SLC35B3: variants seen among roughly 807,000 people sequenced by gnomAD.
The protein encoded by SLC35B3 is adenosine 3'-phospho 5'-phosphosulfate transporter 2.
In SLC35B3, 35 loss-of-function variants were observed where a neutral mutation model predicts 44.1. That is an observed-to-expected ratio of 0.79 (90% confidence interval 0.61 to 1.05). The LOEUF is 1.05. SLC35B3 is among the 50% of genes least tolerant of loss of function. The pLI is 0.00. For synonymous variants in SLC35B3, 146 were observed against 167.3 expected, an observed-to-expected ratio of 0.87 and a Z score of 0.98; for missense variants, 414 against 476.4, an observed-to-expected ratio of 0.87 and a Z score of 1.22.
chr6:8,428,100 C>T lies in SLC35B3; in HGVS notation c.298-42G>A, dbSNP rs200035833. On this transcript the variant is annotated intron_variant, in intron 3 of 10. Coordinates refer to ENST00000644923, the MANE Select transcript of SLC35B3 (RefSeq NM_001370476.2). ...GAACACTGTTAAGTCCAAGGCAGCA[C>T]ACTAATTTCCTAAAAATAAATTCTT... 2.0e-5 allele frequency: 27 copies of T among 1,380,066 alleles called. No homozygotes were observed. In the African/African-American group the frequency reaches 3.4e-4, roughly 17 times the overall value. 85.5% of individuals were successfully genotyped at this position (1,380,066 alleles called of 1,614,324 possible).
At position 8,430,037 on chromosome 6, in the gene SLC35B3, T is replaced by C. The variant is rs1383314040; in HGVS notation, c.124A>G (p.Lys42Glu). The change falls in exon 3 of 11, where the codon AAA (lysine) becomes GAA (glutamate). Residue 42 changes from lysine to glutamate, a missense_variant. Coordinates refer to ENST00000644923, the MANE Select transcript of SLC35B3 (RefSeq NM_001370476.2). ...GATGGCACAGTGATAGAAATATATT[T>C]CCTGGAATTGTTGAACTTGAGATCC... 2.5e-6 allele frequency: 4 copies of C among 1,614,056 alleles called. No homozygotes were observed. The South Asian group carries it at 4.4e-5, about 18-fold the overall frequency.
Position 8,413,635 on chromosome 6 carries a change from C to T in SLC35B3, c.1120G>A (p.Asp374Asn), listed in dbSNP as rs569798441. Residue 374 changes from aspartate to asparagine, a missense_variant, in exon 11 of 11, where the codon GAT becomes AAT. Physicochemically the swap from Asp to Asn is conservative, Grantham distance 23 (BLOSUM62 1). Transcript: ENST00000644923. ...TACAGTGATGGTAGTCTTATTTTAT[C>T]CATATTTTTGCTGTAAACATTAAGA... 8.8e-6 allele frequency: 14 copies of T among 1,596,660 alleles called. No homozygotes were observed. The highest frequency in any genetic ancestry group is 2.0e-4 in the Middle Eastern group (1 of 4,888).
chr6:8,422,602 T>C lies in SLC35B3; in HGVS notation c.442A>G (p.Ile148Val). ...GTACCCACAGTTAGAAAAGCTATTA[T>C]CATGTAGGTTTTTCCTGGTATTCTG... is the stretch of plus-strand genomic sequence containing the variant. The change falls in exon 5 of 11, where the codon ATA (isoleucine) becomes GTA (valine). Residue 148 changes from isoleucine to valine, a missense_variant. Coordinates refer to ENST00000644923, the MANE Select transcript of SLC35B3 (RefSeq NM_001370476.2). The C allele has an allele frequency of 6.2e-7, 1 of 1,607,998 alleles. No individual in the cohort carries two copies. The highest frequency in any genetic ancestry group is 8.5e-7 in the Non-Finnish European group (1 of 1,178,396).
In SLC35B3 at chr6:8,413,210, G is replaced by C; in HGVS notation, c.*339C>G. 5.2e-6 allele frequency: 1 copy of C among 192,836 alleles called. No homozygotes were observed. Among genetic ancestry groups the C allele is most frequent in the Non-Finnish European group, 1.1e-5 (1 of 94,888 alleles). The allele number at this position is 192,836 out of a possible 1,614,324, so 11.9% of individuals were successfully genotyped here. A position where few individuals can be genotyped will look rare whatever the true frequency, so the allele number is the denominator to read the frequency against. On this transcript the variant is annotated 3_prime_UTR_variant, in exon 11 of 11. Coordinates refer to ENST00000644923, the MANE Select transcript of SLC35B3 (RefSeq NM_001370476.2). ...TGAATATAAAACAATCTGCTATTAC[G>C]TATCGATTTCTTTGATAGGATATAA...
At chr6:8,423,429 C>A (rs1248630481) in intron 4 of SLC35B3, among the ~76,000 whole-genome samples, 1 of 151,840 alleles carries the variant, frequency 6.6e-6, no homozygotes, top group Non-Finnish European at 1.5e-5. Flanking sequence ...CTCATGATTT[C>A]AAGTCTTTTA....
At position 8,434,420 on chromosome 6, in the gene SLC35B3, T is replaced by G. The variant is rs58929031; in HGVS notation, c.-33A>C. The stretch of plus-strand genomic sequence containing the variant: ...TGCCTTGATTAACTGCGCTCCGGAA[T>G]CAATCATGGCCTATGGTGTACGATT... On this transcript the variant is annotated 5_prime_UTR_variant, in exon 2 of 11. Transcript: ENST00000644923. The surrounding 1 kb of genome is among the most constrained non-coding windows in gnomAD (Gnocchi z 6.3). 5.9e-3 allele frequency: 9,519 copies of G among 1,612,056 alleles called. 507 individuals are homozygous for G. In the African/African-American group the frequency reaches 0.11, roughly 19 times the overall value.
In SLC35B3 at chr6:8,422,561, G is replaced by A. The variant is rs777348999; in HGVS notation, c.483C>T (p.Asn161=). The A allele has an allele frequency of 3.7e-6, 6 of 1,613,226 alleles. No individual in the cohort carries two copies. The highest frequency in any genetic ancestry group is 5.1e-6 in the Non-Finnish European group (6 of 1,179,318). The change falls in exon 5 of 11, where the codon AAC becomes AAT. Residue 161 remains asparagine, a synonymous_variant. Transcript: ENST00000644923. The stretch of plus-strand genomic sequence containing the variant: ...GGTAATTCAGGTAGCCCAAGGAAGT[G>A]TTTGATAACCCCATAGTACCCACAG...
rs374587821 is a variant in SLC35B3, at chr6:8,414,941, G to A, written c.1022C>T (p.Ser341Leu). Reference sequence around the variant, plus strand: ...GAATGGTTTAGCAAAGAATATAAACGAAAGTACAATGGTCATTGCTTTTCT... The same window carrying A: ...GAATGGTTTAGCAAAGAATATAAACAAAAGTACAATGGTCATTGCTTTTCT... The change falls in exon 10 of 11, where the codon TCG becomes TTG. Residue 341 changes from serine to leucine, a missense_variant. Transcript: ENST00000644923. 83 of 1,605,204 alleles carry A rather than the reference G, an allele frequency of 5.2e-5. No homozygotes were observed. The highest frequency in any genetic ancestry group is 6.7e-5 in the Non-Finnish European group (79 of 1,174,402).
chr6:8,424,131 C>A (rs1581251556), intron 4 of SLC35B3, among the ~76,000 whole-genome samples: 2 of 152,318 alleles, frequency 1.3e-5, no homozygotes, highest in African/African-American at 4.8e-5. Flanking sequence ...TCTGAGCAGT[C>A]CTCTAGGTCT....
In SLC35B3 at chr6:8,435,276, T is replaced by C; in HGVS notation, c.-44+67A>G. 1 of 1,289,282 alleles carries C rather than the reference T, an allele frequency of 7.8e-7. No individual in the cohort carries two copies. Among genetic ancestry groups the C allele is most frequent in the Non-Finnish European group, 1.0e-6 (1 of 988,852 alleles). 79.9% of individuals were successfully genotyped at this position (1,289,282 alleles called of 1,614,324 possible). On this transcript the variant is annotated intron_variant, in intron 1 of 10. Coordinates refer to ENST00000644923, the MANE Select transcript of SLC35B3 (RefSeq NM_001370476.2). This position sits in a 1 kb window ranked among gnomAD's most constrained non-coding sequence, Gnocchi z 5.5. ...TTCTGGATGAGGAAGATGGGCAGTGTCAAGGTTTTCTGGAGGAGAGGAGAT... is the reference window on the plus strand; with the variant it reads ...TTCTGGATGAGGAAGATGGGCAGTGCCAAGGTTTTCTGGAGGAGAGGAGAT...
At chr6:8,427,884 C>T (rs775062212) in intron 4 of SLC35B3, 53 bp downstream of exon 3, 3 of 1,519,672 alleles carry the variant, frequency 2.0e-6, no homozygotes, top group East Asian at 2.3e-5. Context: ...TTCAGTATGC[C>T]AAAAAAATTC....
In SLC35B3 at chr6:8,419,227, T is replaced by G. The variant is rs1006933562; in HGVS notation, c.780+353A>C. Among the ~76,000 whole-genome samples, 5 of 152,088 alleles carry G rather than the reference T, an allele frequency of 3.3e-5. No homozygotes were observed. The highest frequency in any genetic ancestry group is 1.2e-4 in the African/African-American group (5 of 41,460). ...GGAAAGCTCTTTTCAACCATGATAC[T>G]TAGCCAGAAGCCAGCAAGGAAAAGA... On this transcript the variant is annotated intron_variant, in intron 7 of 10. Coordinates refer to ENST00000644923, the MANE Select transcript of SLC35B3 (RefSeq NM_001370476.2). This position sits in a 1 kb window ranked among gnomAD's most constrained non-coding sequence, Gnocchi z 4.3.
At chr6:8,426,430 G>A (rs9505442) in intron 4 of SLC35B3, among the ~76,000 whole-genome samples, 28,926 of 152,068 alleles carry the variant, frequency 0.19, 2,866 homozygotes, top group East Asian at 0.29. Context: ...CCCAGTGGGA[G>A]GTAATTTGAA....
intron 8 of SLC35B3, 37 bp downstream of exon 7, chr6:8,417,365 C>A: frequency 7.7e-7 from 1 of 1,294,522 alleles, no homozygotes; most frequent in Non-Finnish European, 1.1e-6. Context: ...AATTATTTAA[C>A]AGAAGATTTT....
chr6:8,435,050 G>C lies in SLC35B3; in HGVS notation c.-44+293C>G. 8.4e-7 allele frequency: 1 copy of C among 1,193,694 alleles called. No individual in the cohort carries two copies. Among genetic ancestry groups the C allele is most frequent in the Non-Finnish European group, 1.1e-6 (1 of 943,450 alleles). 73.9% of individuals were successfully genotyped at this position (1,193,694 alleles called of 1,614,324 possible). ...GTTCTCCAGAGACCCCGAGAACAGC[G>C]TAAAAGACCCCTTGAGGTCACCTCA... On this transcript the variant is annotated intron_variant, in intron 1 of 10. Coordinates refer to ENST00000644923, the MANE Select transcript of SLC35B3 (RefSeq NM_001370476.2). This position sits in a 1 kb window ranked among gnomAD's most constrained non-coding sequence, Gnocchi z 5.5.
At chr6:8,418,074 A>C (rs1762579418) in intron 7 of SLC35B3, among the ~76,000 whole-genome samples, 1 of 151,928 alleles carries the variant, frequency 6.6e-6, no homozygotes. Context: ...TCTCACAACC[A>C]CCCTAGATAT....
At chr6:8,421,689 T>C (rs1341699441) in intron 5 of SLC35B3, among the ~76,000 whole-genome samples, 1 of 152,198 alleles carries the variant, frequency 6.6e-6, no homozygotes, top group East Asian at 1.9e-4. Context: ...GTCACTTAGC[T>C]GGGGCTCTAA....
At chr6:8,424,410 G>A (rs925869051) in intron 4 of SLC35B3, among the ~76,000 whole-genome samples, 16 of 152,200 alleles carry the variant, frequency 1.1e-4, no homozygotes, top group African/African-American at 3.4e-4. Flanking sequence ...ACAAGTGCCC[G>A]CCACCATGTC....
chr6:8,435,076 C>T lies in SLC35B3; in HGVS notation c.-44+267G>A. On this transcript the variant is annotated intron_variant, in intron 1 of 10. Coordinates refer to ENST00000644923, the MANE Select transcript of SLC35B3 (RefSeq NM_001370476.2). The surrounding 1 kb of genome is among the most constrained non-coding windows in gnomAD (Gnocchi z 5.5). ...TAAAAGACCCCTTGAGGTCACCTCA[C>T]CCCTGCGAGTCCACGGATTGGGACC... 8.2e-7 allele frequency: 1 copy of T among 1,220,956 alleles called. No homozygotes were observed. The highest frequency in any genetic ancestry group is 1.5e-5 in the South Asian group (1 of 68,730). 75.6% of individuals were successfully genotyped at this position (1,220,956 alleles called of 1,614,324 possible).
Sources: gnomAD v4.1 joint callset for allele counts (sites outside exome capture counted in the v4.1 genomes callset) on GRCh38, gnomAD v4.1.1 for gene constraint, Gnocchi (gnomAD v3.1) non-coding constraint, MANE v1.5 for transcripts, NCBI Gene and HGNC (gene_info 2026-07-23, HGNC 2026-07-21) for gene names.